Variants in CELF2 observed in about 807,000 individuals in gnomAD.
CELF2 encodes the protein CUG triplet repeat RNA-binding protein 2.
In CELF2, 8 loss-of-function variants were observed where a neutral mutation model predicts 62.6. The ratio of observed to expected loss-of-function variants is 0.13; its 90% CI spans 0.07 to 0.23. The LOEUF (loss-of-function observed/expected upper bound fraction) is 0.23, where lower values mean the gene tolerates loss of function less well. Among genes scored for constraint, CELF2 ranks in the 10% least tolerant of loss-of-function variants. The pLI is 1.00. For missense variants in CELF2, 333 were observed against 671.0 expected (o/e 0.50, Z 5.56); for synonymous variants, 258 against 250.0 (o/e 1.03, Z -0.30).
At chr10:10,814,447 A>C (rs2056254051) in intron 1 of CELF2, among the ~76,000 whole-genome samples, 1 of 152,174 alleles carries the variant, frequency 6.6e-6, no homozygotes, top group Admixed American at 6.5e-5. Flanking sequence ...ACAAAAATAA[A>C]GTTCGCTCAT....
At chr10:10,926,126 G>A (rs185407450) in intron 2 of CELF2, among the ~76,000 whole-genome samples, 6 of 152,292 alleles carry the variant, frequency 3.9e-5, no homozygotes. Context: ...TGGTTCAAGA[G>A]GTCAGAGAAG....
intron 1 of CELF2, among the ~76,000 whole-genome samples, chr10:11,144,188 C>T (rs1187069824): frequency 1.3e-5 from 2 of 152,144 alleles, no homozygotes; most frequent in Non-Finnish European, 2.9e-5. Context: ...GCATTTACAA[C>T]TTACTCTCGC....
chr10:10,686,141 T>C, the CELF2 span, among the ~76,000 whole-genome samples: 3 of 152,080 alleles, frequency 2.0e-5, no homozygotes, highest in Admixed American at 1.3e-4. Flanking sequence ...TGTTGGCAAA[T>C]AGATCCTTTC....
the CELF2 span, among the ~76,000 whole-genome samples, chr10:10,689,811 C>T: frequency 3.1e-4 from 47 of 152,256 alleles, no homozygotes; most frequent in South Asian, 2.9e-3. Context: ...ACAAATTTAA[C>T]GAAATATGTA....
chr10:11,308,986 GC>G (rs2094425666), intron 9 of CELF2, among the ~76,000 whole-genome samples: 1 of 152,128 alleles, frequency 6.6e-6, no homozygotes, highest in Non-Finnish European at 1.5e-5. Context: ...TATAATTTCA[GC>G]CTTTTTATTG....
chr10:10,606,684 C>G, the CELF2 span, among the ~76,000 whole-genome samples: 1 of 152,046 alleles, frequency 6.6e-6, no homozygotes, highest in South Asian at 2.1e-4. Context: ...TATATTGGTC[C>G]CTTTATGAGT....
intron 1 of CELF2, among the ~76,000 whole-genome samples, chr10:10,863,299 T>C (rs1413450475): frequency 2.0e-5 from 3 of 152,220 alleles, no homozygotes; most frequent in Admixed American, 6.5e-5. Context: ...AATTATACAA[T>C]GTGTGTGTTC....
At chr10:11,210,394 C>T (rs1357266387) in intron 2 of CELF2, among the ~76,000 whole-genome samples, 1 of 152,288 alleles carries the variant, frequency 6.6e-6, no homozygotes, top group South Asian at 2.1e-4. Context: ...AACAGCTGTT[C>T]TCATGCCCAA....
chr10:11,144,294 T>G (rs1192005940), intron 1 of CELF2, among the ~76,000 whole-genome samples: 2 of 152,170 alleles, frequency 1.3e-5, no homozygotes, highest in Non-Finnish European at 2.9e-5. Flanking sequence ...GTTGGGCAAT[T>G]AGGCAAAATA....
chr10:11,035,312 G>C (rs751334106), intron 1 of CELF2, among the ~76,000 whole-genome samples: 2 of 152,212 alleles, frequency 1.3e-5, no homozygotes, highest in Non-Finnish European at 2.9e-5. Context: ...TAATATGGTA[G>C]CAGCCTGCTG....
At chr10:11,308,265 T>G (rs1293928971) in intron 9 of CELF2, among the ~76,000 whole-genome samples, 1 of 152,204 alleles carries the variant, frequency 6.6e-6, no homozygotes, top group Non-Finnish European at 1.5e-5. Context: ...CTACTTGGAG[T>G]TTGTTTATTT....
intron 2 of CELF2, among the ~76,000 whole-genome samples, chr10:11,170,100 G>T (rs2068380689): frequency 6.6e-6 from 1 of 151,604 alleles, no homozygotes; most frequent in South Asian, 2.1e-4. Context: ...TAGTAGTCTG[G>T]CATGAAGGGA....
At chr10:11,169,662 ACT>A (rs2068240404) in intron 2 of CELF2, among the ~76,000 whole-genome samples, 1 of 152,076 alleles carries the variant, frequency 6.6e-6, no homozygotes, top group Non-Finnish European at 1.5e-5. Flanking sequence ...CCTTTGTTAG[ACT>A]CTCGAGACTC....
chr10:11,235,879 G>A (rs368458830), intron 3 of CELF2, among the ~76,000 whole-genome samples: 16 of 152,130 alleles, frequency 1.1e-4, no homozygotes, highest in African/African-American at 1.4e-4. Flanking sequence ...TTGCTTAAAC[G>A]TGAGTAAGAA....
At chr10:10,969,686 A>G (rs1174905562) in intron 2 of CELF2, among the ~76,000 whole-genome samples, 1 of 152,148 alleles carries the variant, frequency 6.6e-6, no homozygotes, top group Non-Finnish European at 1.5e-5. Flanking sequence ...TCTTTGCCTC[A>G]GAATACATAT....
In CELF2 at chr10:11,275,261, G is replaced by A. The variant is rs182026320; in HGVS notation, c.841+141G>A. 28 of 876,300 alleles carry A rather than the reference G, an allele frequency of 3.2e-5. No individual in the cohort carries two copies. In the East Asian group the frequency reaches 5.1e-4, roughly 16 times the overall value. The allele number at this position is 876,300 out of a possible 1,614,324, so 54.3% of individuals were successfully genotyped here. ...TTAGCTTTCTGTCTTTGGTGTTAAC[G>A]TTGGAACCGCCTGCTCTGAAGTGTC... On this transcript the variant is annotated intron_variant, in intron 8 of 12. Transcript: ENST00000633077.
chr10:10,743,782 C>A, the CELF2 span, among the ~76,000 whole-genome samples: 75 of 152,246 alleles, frequency 4.9e-4, no homozygotes, highest in African/African-American at 1.7e-3. Context: ...ACCATACAGA[C>A]CATATGAACT....
chr10:10,584,381 C>G, the CELF2 span, among the ~76,000 whole-genome samples: 1 of 152,160 alleles, frequency 6.6e-6, no homozygotes, highest in Admixed American at 6.5e-5. Context: ...TTGGTTACAG[C>G]TGGGCGTATG....
chr10:11,000,849 G>A (rs1474821888), upstream of CELF2, among the ~76,000 whole-genome samples: 2 of 152,210 alleles, frequency 1.3e-5, no homozygotes, highest in Non-Finnish European at 2.9e-5. Context: ...TCTGGAAGAA[G>A]GATTGCACCA....
Sources: allele counts gnomAD v4.1 joint callset (sites outside exome capture counted in the v4.1 genomes callset), GRCh38; gene constraint gnomAD v4.1.1; transcripts MANE v1.5; gene names NCBI Gene and HGNC (gene_info 2026-07-23, HGNC 2026-07-21).